ADAMTSL1: variants seen among roughly 807,000 people sequenced by gnomAD.
ADAMTSL1 encodes the protein ADAMTS-like protein 1.
A neutral mutation model predicts 201.8 loss-of-function variants in ADAMTSL1; 126 were observed. The observed-to-expected ratio is 0.62, with a 90% CI of 0.54 to 0.72. The LOEUF is 0.72. ADAMTSL1 is among the 30% of genes least tolerant of loss of function. The probability of loss-of-function intolerance (pLI) is 0.00; values close to 1 mark genes in which losing one functional copy is unlikely to be tolerated. For missense variants in ADAMTSL1, 2,679 were observed against 2,277.8 expected (o/e 1.18, Z -3.59); for synonymous variants, 1,121 against 903.4 (o/e 1.24, Z -4.32).
At chr9:18,142,530 G>GA (rs1334905282) in intron 1 of ADAMTSL1, among the ~76,000 whole-genome samples, 10 of 152,178 alleles carry the variant, frequency 6.6e-5, no homozygotes, top group African/African-American at 2.4e-4. Flanking sequence ...TTACAGTGGG[G>GA]ACTTGGAAAA....
intron 15 of ADAMTSL1, among the ~76,000 whole-genome samples, chr9:18,729,599 A>C (rs1243867075): frequency 6.6e-6 from 1 of 152,230 alleles, no homozygotes; most frequent in Non-Finnish European, 1.5e-5. Context: ...GCTGCCCTTT[A>C]AGATAACTAG....
At chr9:18,548,833 A>G (rs1820626771) in intron 3 of ADAMTSL1, among the ~76,000 whole-genome samples, 1 of 152,056 alleles carries the variant, frequency 6.6e-6, no homozygotes, top group African/African-American at 2.4e-5. Flanking sequence ...ATTATTAGAA[A>G]TTTGCAATTC....
chr9:18,836,922 A>T (rs997234812), intron 23 of ADAMTSL1, among the ~76,000 whole-genome samples: 1 of 152,130 alleles, frequency 6.6e-6, no homozygotes, highest in African/African-American at 2.4e-5. Context: ...AAGGTTATTG[A>T]CATATAGAAA....
chr9:18,180,818 G>A (rs143092731), intron 2 of ADAMTSL1, among the ~76,000 whole-genome samples: 5 of 152,126 alleles, frequency 3.3e-5, no homozygotes, highest in East Asian at 3.9e-4. Flanking sequence ...ACAAGAGCCC[G>A]CATCGCCAAG....
chr9:18,244,992 T>C (rs917510810), intron 2 of ADAMTSL1, among the ~76,000 whole-genome samples: 1 of 152,208 alleles, frequency 6.6e-6, no homozygotes, highest in Non-Finnish European at 1.5e-5. Flanking sequence ...TGCTGTGTAT[T>C]ACTTTTTATT....
intron 4 of ADAMTSL1, among the ~76,000 whole-genome samples, chr9:18,597,985 G>C (rs1003598653): frequency 2.0e-5 from 3 of 152,120 alleles, no homozygotes; most frequent in Non-Finnish European, 2.9e-5. Context: ...CTGCCCTGAG[G>C]AGCCCAAATC....
At chr9:18,003,112 A>C (rs987271562) in intron 1 of ADAMTSL1, among the ~76,000 whole-genome samples, 53 of 151,950 alleles carry the variant, frequency 3.5e-4, no homozygotes, top group African/African-American at 1.3e-3. Context: ...GATTTGAGGG[A>C]GCAGAGGCTG....
At chr9:18,217,926 G>A (rs1302939952) in intron 2 of ADAMTSL1, among the ~76,000 whole-genome samples, 2 of 152,088 alleles carry the variant, frequency 1.3e-5, no homozygotes, top group Non-Finnish European at 1.5e-5. Context: ...GGGAGTGGGG[G>A]TAAGGGTGTC....
chr9:18,670,905 T>C (rs1458357005), intron 9 of ADAMTSL1, among the ~76,000 whole-genome samples: 2 of 141,964 alleles, frequency 1.4e-5, no homozygotes, highest in African/African-American at 2.7e-5. Context: ...CCACAGATGC[T>C]CAAATGCCTT....
At chr9:18,678,398 G>C (rs1245780695) in intron 10 of ADAMTSL1, among the ~76,000 whole-genome samples, 1 of 152,048 alleles carries the variant, frequency 6.6e-6, no homozygotes, top group Non-Finnish European at 1.5e-5. Context: ...TTTACTTCAA[G>C]ATTCCACATA....
chr9:18,629,999 T>C (rs1826646864), intron 5 of ADAMTSL1, among the ~76,000 whole-genome samples: 1 of 152,198 alleles, frequency 6.6e-6, no homozygotes, highest in East Asian at 1.9e-4. Context: ...GTTTGTTTGT[T>C]TCTTTGCGTG....
chr9:18,850,554 G>A (rs1417908390), intron 23 of ADAMTSL1, among the ~76,000 whole-genome samples: 4 of 152,194 alleles, frequency 2.6e-5, no homozygotes, highest in Non-Finnish European at 5.9e-5. Context: ...AGCCAACTTT[G>A]TAGGAGACAG....
chr9:18,546,624 C>T (rs2132191287), intron 3 of ADAMTSL1, among the ~76,000 whole-genome samples: 2 of 152,030 alleles, frequency 1.3e-5, no homozygotes, highest in Middle Eastern at 6.8e-3. Flanking sequence ...TAATTTATAC[C>T]TTTTTATTTT....
At chr9:18,538,020 A>G (rs1039857916) in intron 3 of ADAMTSL1, among the ~76,000 whole-genome samples, 4 of 151,452 alleles carry the variant, frequency 2.6e-5, no homozygotes, top group Non-Finnish European at 5.9e-5. Flanking sequence ...GGAGGAGGAG[A>G]AGGAGGAAGC....
At chr9:18,388,931 A>G (rs1047260241) in intron 2 of ADAMTSL1, among the ~76,000 whole-genome samples, 2 of 151,520 alleles carry the variant, frequency 1.3e-5, no homozygotes, top group Non-Finnish European at 2.9e-5. Context: ...TAATTTTTGT[A>G]CTTCTAGTAG....
chr9:18,903,072 G>T (rs1830100766), intron 26 of ADAMTSL1, among the ~76,000 whole-genome samples: 1 of 152,162 alleles, frequency 6.6e-6, no homozygotes, highest in Non-Finnish European at 1.5e-5. Flanking sequence ...AGGTGTGTTG[G>T]TGGGTGCCTG....
At chr9:18,383,608 C>T (rs10756960) in intron 2 of ADAMTSL1, among the ~76,000 whole-genome samples, 1 of 151,900 alleles carries the variant, frequency 6.6e-6, no homozygotes, top group African/African-American at 2.4e-5. Context: ...TGAGGCTTCT[C>T]AGATGATGGA....
intron 4 of ADAMTSL1, among the ~76,000 whole-genome samples, chr9:18,605,303 C>T (rs182675491): frequency 1.3e-5 from 2 of 152,312 alleles, no homozygotes; most frequent in Admixed American, 1.3e-4. Flanking sequence ...GCTGAATCCA[C>T]ATCTGCAATT....
chr9:18,781,312 T>C (rs1452386445), intron 19 of ADAMTSL1, among the ~76,000 whole-genome samples: 1 of 152,194 alleles, frequency 6.6e-6, no homozygotes, highest in Non-Finnish European at 1.5e-5. Flanking sequence ...CAGTTTTTGC[T>C]GCCATCACAT....
Sources: gnomAD v4.1 joint callset for allele counts (sites outside exome capture counted in the v4.1 genomes callset) on GRCh38, gnomAD v4.1.1 for gene constraint, MANE v1.5 for transcripts, NCBI Gene and HGNC (gene_info 2026-07-23, HGNC 2026-07-21) for gene names.